MPPED2: variants seen among roughly 807,000 people sequenced by gnomAD.
MPPED2 encodes the protein metallophosphoesterase MPPED2.
In MPPED2, 5 loss-of-function variants were observed where a neutral mutation model predicts 33.0. The ratio of observed to expected loss-of-function variants is 0.15; its 90% CI spans 0.08 to 0.32. The LOEUF (loss-of-function observed/expected upper bound fraction) is 0.32. Ranked by LOEUF, MPPED2 falls within the 10% of genes least tolerant of loss-of-function variation. MPPED2 has a pLI of 1.00. For synonymous variants in MPPED2, 136 were observed against 141.9 expected (o/e 0.96, Z 0.29); for missense variants, 275 against 372.1 (o/e 0.74, Z 2.15).
chr11:30,531,570 C>T (rs910672307), intron 3 of MPPED2, among the ~76,000 whole-genome samples: 16 of 152,174 alleles, frequency 1.1e-4, no homozygotes. Flanking sequence ...ACGATATTTC[C>T]AGGCTACCAT....
chr11:30,543,395 C>T (rs1230257234), intron 2 of MPPED2, among the ~76,000 whole-genome samples: 1 of 152,196 alleles, frequency 6.6e-6, no homozygotes, highest in Non-Finnish European at 1.5e-5. Flanking sequence ...TTCCCATCTT[C>T]TAGCCTCTGT....
chr11:30,484,569 T>C (rs527907420), intron 4 of MPPED2, among the ~76,000 whole-genome samples: 23 of 152,282 alleles, frequency 1.5e-4, no homozygotes, highest in Middle Eastern at 3.4e-3. Flanking sequence ...AGTCCACATT[T>C]AATTTATAGT....
At chr11:30,490,867 C>T (rs531302148) in intron 4 of MPPED2, among the ~76,000 whole-genome samples, 2 of 149,432 alleles carry the variant, frequency 1.3e-5, no homozygotes, top group Non-Finnish European at 3.0e-5. Context: ...CAATCCATAT[C>T]TTCTAAATAC....
At chr11:30,543,307 C>T (rs1955231669) in intron 2 of MPPED2, among the ~76,000 whole-genome samples, 1 of 152,258 alleles carries the variant, frequency 6.6e-6, no homozygotes, top group Admixed American at 6.5e-5. Flanking sequence ...TAGAAAGAGC[C>T]CTGGCTGTGG....
At chr11:30,507,358 C>T (rs976142531) in intron 3 of MPPED2, among the ~76,000 whole-genome samples, 1 of 152,162 alleles carries the variant, frequency 6.6e-6, no homozygotes, top group African/African-American at 2.4e-5. Flanking sequence ...TAATCTAATC[C>T]ACTCTACAGA....
intron 3 of MPPED2, among the ~76,000 whole-genome samples, chr11:30,499,454 AC>A (rs1210766125): frequency 2.0e-5 from 3 of 152,198 alleles, no homozygotes; most frequent in Non-Finnish European, 4.4e-5. Context: ...AGATTTTGGA[AC>A]ACTTTGGATT....
At chr11:30,510,361 A>G (rs540548875) in intron 3 of MPPED2, among the ~76,000 whole-genome samples, 1 of 152,274 alleles carries the variant, frequency 6.6e-6, no homozygotes, top group South Asian at 2.1e-4. Flanking sequence ...ACCTTTAATG[A>G]AACTCAATGG....
At chr11:30,488,982 T>C (rs1464061222) in intron 4 of MPPED2, among the ~76,000 whole-genome samples, 2 of 152,164 alleles carry the variant, frequency 1.3e-5, no homozygotes, top group Non-Finnish European at 2.9e-5. Flanking sequence ...TCTCATTCTT[T>C]AGTGCCAAAG....
downstream of MPPED2, among the ~76,000 whole-genome samples, chr11:30,408,489 T>TG (rs948760157): frequency 3.3e-5 from 5 of 152,124 alleles, no homozygotes; most frequent in African/African-American, 1.2e-4. Context: ...TTTTTGTATT[T>TG]TTAGTAGAGA....
chr11:30,464,047 T>C (rs1318540005), intron 4 of MPPED2, among the ~76,000 whole-genome samples: 2 of 152,168 alleles, frequency 1.3e-5, no homozygotes, highest in Non-Finnish European at 2.9e-5. Flanking sequence ...GTGTTCAATA[T>C]AAATTTGATT....
At chr11:30,421,758 C>T (rs907276660) in intron 4 of MPPED2, among the ~76,000 whole-genome samples, 1 of 152,124 alleles carries the variant, frequency 6.6e-6, no homozygotes, top group Non-Finnish European at 1.5e-5. Context: ...AGTTTTTGCT[C>T]TCATATATGT....
intron 2 of MPPED2, among the ~76,000 whole-genome samples, chr11:30,564,754 C>T (rs1350039728): frequency 6.6e-6 from 1 of 152,146 alleles, no homozygotes; most frequent in East Asian, 1.9e-4. Context: ...ATTTACTGAG[C>T]ATTCACACTT....
chr11:30,464,566 T>C (rs1950632905), intron 4 of MPPED2, among the ~76,000 whole-genome samples: 2 of 152,182 alleles, frequency 1.3e-5, no homozygotes, highest in Non-Finnish European at 1.5e-5. Context: ...AACTGGCTGT[T>C]TTCTAATCAT....
chr11:30,494,815 A>G (rs1227591637), intron 4 of MPPED2, among the ~76,000 whole-genome samples: 1 of 151,464 alleles, frequency 6.6e-6, no homozygotes, highest in Non-Finnish European at 1.5e-5. Flanking sequence ...TGGAAAAAGG[A>G]TTGCCTCTAT....
At chr11:30,480,360 A>G (rs1308851722) in intron 4 of MPPED2, among the ~76,000 whole-genome samples, 1 of 151,996 alleles carries the variant, frequency 6.6e-6, no homozygotes, top group Non-Finnish European at 1.5e-5. Context: ...TTTAAATATT[A>G]ATGACAGGAC....
At chr11:30,441,222 C>A (rs1949558086) in intron 4 of MPPED2, 1 of 152,104 alleles carries the variant, frequency 6.6e-6, no homozygotes, top group Non-Finnish European at 1.5e-5. Context: ...AAATTAAAAC[C>A]AAGGAAATGC....
downstream of MPPED2, among the ~76,000 whole-genome samples, chr11:30,405,776 T>G (rs1947979354): frequency 6.6e-6 from 1 of 152,194 alleles, no homozygotes; most frequent in Non-Finnish European, 1.5e-5. Flanking sequence ...TTTTCTTTTT[T>G]TTCTCTTTAG....
chr11:30,449,568 G>A lies in MPPED2; in HGVS notation c.537-31935C>T, dbSNP rs191986623. On this transcript the variant is annotated intron_variant, in intron 4 of 6. Coordinates refer to ENST00000358117, the MANE Select transcript of MPPED2 (RefSeq NM_001584.3). ...TGAAGTGGGAGGACTACCTGAGCCCGGGAAGTAGAGGCTGCAGTGAGCTAT... is the reference window on the plus strand; with the variant it reads ...TGAAGTGGGAGGACTACCTGAGCCCAGGAAGTAGAGGCTGCAGTGAGCTAT... 4.7e-5 allele frequency among the ~76,000 whole-genome samples: 7 copies of A among 148,872 alleles called. No homozygotes were observed. The East Asian group carries it at 9.7e-4, about 21-fold the overall frequency.
rs547930284 is a variant in MPPED2 at position 30,470,190 on chromosome 11, A to C, written c.536+25106T>G. Among the ~76,000 whole-genome samples the C allele has an allele frequency of 3.3e-5, 5 of 152,288 alleles. No homozygotes were observed. The East Asian group carries it at 5.8e-4, about 18-fold the overall frequency. ...AGGTGGACAGCTGGAGAGTCAGCTC[A>C]TGATTCTAATGTAAGAGGTTTTGGA... On this transcript the variant is annotated intron_variant, in intron 4 of 6. Coordinates refer to ENST00000358117, the MANE Select transcript of MPPED2 (RefSeq NM_001584.3).
Sources: allele counts gnomAD v4.1 joint callset (sites outside exome capture counted in the v4.1 genomes callset), GRCh38; gene constraint gnomAD v4.1.1; transcripts MANE v1.5; gene names NCBI Gene and HGNC (gene_info 2026-07-23, HGNC 2026-07-21).